The following SHLD2 variants were observed in gnomAD, a reference collection of about 807,000 sequenced individuals.
The protein encoded by SHLD2 is shieldin complex subunit 2, also known as RINN1-REV7-interacting novel NHEJ regulator 2.
In SHLD2, 30 loss-of-function variants were observed where a neutral mutation model predicts 73.2. The ratio of observed to expected loss-of-function variants is 0.41; its 90% CI spans 0.31 to 0.56. SHLD2 has a LOEUF of 0.56. Among genes scored for constraint, SHLD2 ranks in the 20% least tolerant of loss-of-function variants. The pLI, the probability that SHLD2 is intolerant of heterozygous loss-of-function variation, is 0.28. For missense variants in SHLD2, 745 were observed against 1,055.9 expected (o/e 0.71, Z 4.08); for synonymous variants, 285 against 370.1 (o/e 0.77, Z 2.64).
intron 4 of SHLD2, among the ~76,000 whole-genome samples, chr10:87,169,574 T>C (rs2134552850): frequency 6.6e-6 from 1 of 152,376 alleles, no homozygotes; most frequent in Non-Finnish European, 1.5e-5. Flanking sequence ...AATCAGTTTA[T>C]GGAGTCTGCT....
rs554566620 is a variant in SHLD2 at position 87,169,029 on chromosome 10, A to T, written c.1634-1449A>T. Among the ~76,000 whole-genome samples, 3 of 152,350 alleles carry T rather than the reference A, an allele frequency of 2.0e-5. No individual in the cohort carries two copies. In the South Asian group the frequency reaches 6.2e-4, roughly 32 times the overall value. ...GGAATATAAATTTATCTTGAATATTATTAAATATATAAGTCAAAGATCAAC... is the reference window on the plus strand; with the variant it reads ...GGAATATAAATTTATCTTGAATATTTTTAAATATATAAGTCAAAGATCAAC... On this transcript the variant is annotated intron_variant, in intron 4 of 9. Coordinates refer to ENST00000298786, the MANE Select transcript of SHLD2 (RefSeq NM_001330112.2).
chr10:87,151,560 G>T lies in SHLD2; in HGVS notation c.206G>T (p.Gly69Val), dbSNP rs761532885. ...LENYKVPESI[G>V]SPDLSGHFLA... ...AACTATAAAGTCCCAGAATCTATTG[G>T]TTCTCCAGATCTTAGTGGTCATTTC... is the stretch of plus-strand genomic sequence containing the variant. The change falls in exon 3 of 10, where the codon GGT (glycine) becomes GTT (valine). Residue 69 changes from glycine to valine, a missense_variant. Gly to Val is a moderately radical substitution (Grantham distance 109). Transcript: ENST00000298786. The T allele has an allele frequency of 1.9e-6, 3 of 1,611,386 alleles. No individual in the cohort carries two copies.
chr10:87,186,701 A>G (rs1848641989), intron 8 of SHLD2, among the ~76,000 whole-genome samples: 1 of 152,228 alleles, frequency 6.6e-6, no homozygotes, highest in South Asian at 2.1e-4. Context: ...GTTTATTGAT[A>G]TGCAAAACAG....
intron 2 of SHLD2, among the ~76,000 whole-genome samples, chr10:87,115,912 C>CT (rs779272263): frequency 5.4e-4 from 82 of 152,184 alleles, no homozygotes; most frequent in Middle Eastern, 3.4e-3. Context: ...ATCATAGAAA[C>CT]TTTAAGCTTC....
intron 2 of SHLD2, among the ~76,000 whole-genome samples, chr10:87,122,081 A>G (rs542438122): frequency 3.5e-5 from 5 of 142,118 alleles, no homozygotes; most frequent in East Asian, 2.1e-4. Flanking sequence ...GGTATTTTCT[A>G]TTGCATTTGA....
At chr10:87,113,359 T>C (rs1304385342) in intron 2 of SHLD2, among the ~76,000 whole-genome samples, 1 of 152,120 alleles carries the variant, frequency 6.6e-6, no homozygotes, top group South Asian at 2.1e-4. Context: ...AAAACCAGTA[T>C]GTGGTCCATC....
intron 4 of SHLD2, among the ~76,000 whole-genome samples, chr10:87,164,680 G>C (rs1400315118): frequency 6.6e-6 from 1 of 151,882 alleles, no homozygotes; most frequent in Non-Finnish European, 1.5e-5. Context: ...AATAATGCAA[G>C]AGCCAACCTG....
chr10:87,147,183 TCTA>T (rs1171155483), intron 2 of SHLD2, among the ~76,000 whole-genome samples: 1 of 152,100 alleles, frequency 6.6e-6, no homozygotes, highest in Non-Finnish European at 1.5e-5. Context: ...TCATGTTGAT[TCTA>T]CTGTGATCCT....
intron 2 of SHLD2, among the ~76,000 whole-genome samples, chr10:87,116,723 AT>A (rs1159889058): frequency 5.9e-5 from 9 of 151,948 alleles, no homozygotes; most frequent in African/African-American, 1.9e-4. Context: ...GGAATCATGG[AT>A]TTTTCACGGC....
intron 4 of SHLD2, among the ~76,000 whole-genome samples, chr10:87,161,315 C>T (rs1396342695): frequency 1.3e-5 from 2 of 152,130 alleles, no homozygotes; most frequent in African/African-American, 2.4e-5. Context: ...GTGGCACCCA[C>T]CTGTGGTCCC....
rs918636135 is a variant in SHLD2 at position 87,102,523 on chromosome 10, C to G, written c.-6+5534C>G. 8.6e-5 allele frequency among the ~76,000 whole-genome samples: 13 copies of G among 152,026 alleles called. No homozygotes were observed. The South Asian group carries it at 2.7e-3, about 32-fold the overall frequency. On this transcript the variant is annotated intron_variant, in intron 2 of 9. Coordinates refer to ENST00000298786, the MANE Select transcript of SHLD2 (RefSeq NM_001330112.2). The stretch of plus-strand genomic sequence containing the variant: ...GGGAGTTCAAGACCAGCCTGGCCAA[C>G]ATGGTGAAACCCTGTCTCTACTAAA...
At chr10:87,155,156 C>G (rs1199029698) in intron 3 of SHLD2, among the ~76,000 whole-genome samples, 1 of 78,206 alleles carries the variant, frequency 1.3e-5, no homozygotes, top group Non-Finnish European at 3.1e-5. Flanking sequence ...AGGATGGTCT[C>G]GATATCCTCA....
chr10:87,142,714 A>G (rs1340409795), intron 2 of SHLD2, among the ~76,000 whole-genome samples: 2 of 151,482 alleles, frequency 1.3e-5, no homozygotes, highest in Non-Finnish European at 1.5e-5. Context: ...TTTGCTGAGT[A>G]TGACTTTTCA....
intron 2 of SHLD2, among the ~76,000 whole-genome samples, chr10:87,147,072 G>GAA (rs76041937): frequency 1.3e-4 from 12 of 95,360 alleles, no homozygotes; most frequent in East Asian, 2.3e-4. Flanking sequence ...AAAAAAAAAA[G>GAA]AAAAAAAAAA....
intron 8 of SHLD2, among the ~76,000 whole-genome samples, chr10:87,182,254 A>G (rs868574284): frequency 2.9e-4 from 44 of 152,364 alleles, no homozygotes; most frequent in Middle Eastern, 6.8e-3. Context: ...TCAAATATTT[A>G]TTAGGAATCC....
intron 4 of SHLD2, among the ~76,000 whole-genome samples, chr10:87,159,434 CT>C (rs1458638218): frequency 6.6e-6 from 1 of 152,100 alleles, no homozygotes; most frequent in Admixed American, 6.6e-5. Flanking sequence ...GCCTGTCCTC[CT>C]GGAGCTTATG....
At chr10:87,111,763 C>G (rs1842940007) in intron 2 of SHLD2, among the ~76,000 whole-genome samples, 1 of 150,048 alleles carries the variant, frequency 6.7e-6, no homozygotes, top group Non-Finnish European at 1.5e-5. Context: ...CAGGTGTGAG[C>G]CACTGCACCT....
chr10:87,147,087 AAC>A lies in SHLD2; in HGVS notation c.-5-4261_-5-4260del, dbSNP rs1171726211. Among the ~76,000 whole-genome samples, 158 of 150,110 alleles carry A rather than the reference AAC, an allele frequency of 1.1e-3. 1 individual carries two copies. Among genetic ancestry groups the A allele is most frequent in the South Asian group, 4.7e-3 (22 of 4,706 alleles). ...AAAAAAAAAAGAAAAAAAAAAAAAA[AAC>A]AAAAAAACCTTGTGTTTTATGGATC... is the stretch of plus-strand genomic sequence containing the variant. On this transcript the variant is annotated intron_variant, in intron 2 of 9. Transcript: ENST00000298786.
At chr10:87,101,514 G>C (rs1310168235) in intron 2 of SHLD2, among the ~76,000 whole-genome samples, 29 of 152,216 alleles carry the variant, frequency 1.9e-4, no homozygotes, top group Non-Finnish European at 4.4e-5. Flanking sequence ...TCCTGCTGCA[G>C]CCTCCTGAGT....
Sources: allele counts gnomAD v4.1 joint callset (sites outside exome capture counted in the v4.1 genomes callset), GRCh38; gene constraint gnomAD v4.1.1; transcripts MANE v1.5; gene names NCBI Gene and HGNC (gene_info 2026-07-23, HGNC 2026-07-21).